SH3BGRL: variants seen among roughly 807,000 people sequenced by gnomAD.
SH3BGRL encodes SH3 domain binding glutamate rich protein like.
A neutral mutation model predicts 9.8 loss-of-function variants in SH3BGRL; 7 were observed. The ratio of observed to expected loss-of-function variants is 0.72; its 90% confidence interval spans 0.41 to 1.35. SH3BGRL has a LOEUF of 1.35. SH3BGRL is among the 40% of genes most tolerant of loss of function. SH3BGRL has a pLI of 0.01. For synonymous variants in SH3BGRL, 36 were observed against 29.1 expected, an observed-to-expected ratio of 1.24 and a Z score of -0.76; for missense variants, 73 against 84.4, an observed-to-expected ratio of 0.86 and a Z score of 0.53.
chrX:81,268,047 G>T (rs766930976), intron 1 of SH3BGRL, among the ~76,000 whole-genome samples: 32 of 111,434 alleles, frequency 2.9e-4, no homozygotes, highest in African/African-American at 9.8e-4. Context: ...TATTTCTGTG[G>T]GATTGGTGGT....
chrX:81,280,914 C>CA (rs1218500692), intron 3 of SH3BGRL, among the ~76,000 whole-genome samples: 1 of 110,327 alleles, frequency 9.1e-6, no homozygotes, highest in African/African-American at 3.3e-5. Flanking sequence ...CAAGGAAATC[C>CA]AAAAAATGAT....
chrX:81,233,220 A>G (rs2075638227), intron 1 of SH3BGRL, among the ~76,000 whole-genome samples: 1 of 111,963 alleles, frequency 8.9e-6, no homozygotes, highest in South Asian at 3.7e-4. Flanking sequence ...ATTTTAGTTT[A>G]AACAACAGCA....
intron 1 of SH3BGRL, among the ~76,000 whole-genome samples, chrX:81,210,761 A>G (rs1315273562): frequency 1.8e-5 from 2 of 112,006 alleles, no homozygotes; most frequent in Non-Finnish European, 3.8e-5. Context: ...AGTCGTTGTA[A>G]TACTTCTTTT....
At chrX:81,230,561 C>G (rs926771321) in intron 1 of SH3BGRL, among the ~76,000 whole-genome samples, 1 of 111,872 alleles carries the variant, frequency 8.9e-6, no homozygotes, top group Non-Finnish European at 1.9e-5. Flanking sequence ...CTGAAAAGAC[C>G]TAGAAGAGGA....
chrX:81,224,799 TG>T (rs1431098849), intron 1 of SH3BGRL, among the ~76,000 whole-genome samples: 1 of 111,892 alleles, frequency 8.9e-6, no homozygotes, highest in African/African-American at 3.2e-5. Flanking sequence ...AATCATCCTT[TG>T]TTCAATCTTT....
intron 3 of SH3BGRL, among the ~76,000 whole-genome samples, chrX:81,287,615 A>G (rs934066787): frequency 9.0e-6 from 1 of 111,109 alleles, no homozygotes; most frequent in Non-Finnish European, 1.9e-5. Flanking sequence ...GAACACATAG[A>G]CACAGGGAGG....
chrX:81,239,391 G>A (rs932156802), intron 1 of SH3BGRL, among the ~76,000 whole-genome samples: 2 of 112,249 alleles, frequency 1.8e-5, no homozygotes, highest in African/African-American at 6.5e-5. Flanking sequence ...AGGATACTGA[G>A]AAATGCATCA....
At chrX:81,213,963 T>C (rs1292742700) in intron 1 of SH3BGRL, among the ~76,000 whole-genome samples, 1 of 111,084 alleles carries the variant, frequency 9.0e-6, no homozygotes, top group African/African-American at 3.3e-5. Flanking sequence ...TGGAAAAGAA[T>C]GAACTCACTA....
intron 1 of SH3BGRL, among the ~76,000 whole-genome samples, chrX:81,215,249 T>C (rs1268871193): frequency 9.0e-6 from 1 of 110,831 alleles, no homozygotes; most frequent in African/African-American, 3.3e-5. Context: ...CTTGATCGTA[T>C]GTGCACATAC....
intron 1 of SH3BGRL, among the ~76,000 whole-genome samples, chrX:81,227,788 C>T (rs947504900): frequency 9.0e-6 from 1 of 111,534 alleles, no homozygotes; most frequent in Non-Finnish European, 1.9e-5. Flanking sequence ...GTTACATAGC[C>T]TAAACCAAGA....
chrX:81,241,510 G>A (rs1017020309), intron 1 of SH3BGRL, among the ~76,000 whole-genome samples: 1 of 111,506 alleles, frequency 9.0e-6, no homozygotes, highest in Non-Finnish European at 1.9e-5. Context: ...TTTCCTCCCT[G>A]TGAGCCCATA....
intron 1 of SH3BGRL, among the ~76,000 whole-genome samples, chrX:81,243,330 A>C (rs761780282): frequency 8.9e-6 from 1 of 112,126 alleles, no homozygotes; most frequent in Non-Finnish European, 1.9e-5. Context: ...GGAATCTAAA[A>C]TTCAAAACAA....
intron 1 of SH3BGRL, among the ~76,000 whole-genome samples, chrX:81,248,712 C>G (rs2075698746): frequency 8.9e-6 from 1 of 112,019 alleles, no homozygotes; most frequent in Non-Finnish European, 1.9e-5. Context: ...GCATCCTGCT[C>G]TTAGCCTTGG....
chrX:81,205,858 C>G (rs1357424916), intron 1 of SH3BGRL, among the ~76,000 whole-genome samples: 1 of 110,927 alleles, frequency 9.0e-6, no homozygotes, highest in Non-Finnish European at 1.9e-5. Context: ...TCCGCTTTCT[C>G]AGTGCCCTTA....
intron 1 of SH3BGRL, among the ~76,000 whole-genome samples, chrX:81,213,291 G>A (rs912238595): frequency 4.5e-5 from 5 of 112,171 alleles, no homozygotes; most frequent in Non-Finnish European, 9.4e-5. Flanking sequence ...CCTCCACAAA[G>A]TACCACCACT....
chrX:81,240,129 T>C (rs1009875109), intron 1 of SH3BGRL, among the ~76,000 whole-genome samples: 1 of 112,088 alleles, frequency 8.9e-6, no homozygotes, highest in Admixed American at 9.5e-5. Context: ...GATTATTATA[T>C]CACTGTAACT....
intron 1 of SH3BGRL, among the ~76,000 whole-genome samples, chrX:81,251,567 C>A (rs908572269): frequency 9.0e-6 from 1 of 111,386 alleles, no homozygotes; most frequent in East Asian, 2.8e-4. Flanking sequence ...AGTTAAACTG[C>A]TCTGAGAACT....
At chrX:81,277,874 T>G (rs1353409362) in intron 2 of SH3BGRL, among the ~76,000 whole-genome samples, 8 of 112,178 alleles carry the variant, frequency 7.1e-5, no homozygotes, top group Non-Finnish European at 3.8e-5. Flanking sequence ...TACTCCTTAT[T>G]CCTTCCAGAA....
chrX:81,276,978 T>C lies in SH3BGRL; in HGVS notation c.46-6T>C. The C allele has an allele frequency of 8.3e-7, 1 of 1,201,258 alleles. No individual in the cohort carries two copies. Among genetic ancestry groups the C allele is most frequent in the Middle Eastern group, 2.3e-4 (1 of 4,310 alleles). On this transcript the variant is annotated splice_polypyrimidine_tract_variant and splice_region_variant and intron_variant, in intron 1 of 3. Coordinates refer to ENST00000373212, the MANE Select transcript of SH3BGRL (RefSeq NM_003022.3). ...GAAAATACGGTTTCTTGTCCTTTGG[T>C]CCTAGATTAAGAAGAAACAACAAGA...
Sources: allele counts gnomAD v4.1 joint callset (sites outside exome capture counted in the v4.1 genomes callset), GRCh38; gene constraint gnomAD v4.1.1; transcripts MANE v1.5; gene names NCBI Gene and HGNC (gene_info 2026-07-23, HGNC 2026-07-21).